The following ACY1 variants were observed in gnomAD, a reference collection of about 807,000 sequenced individuals.
ACY1 encodes the protein aminoacylase-1.
In ACY1, 38 loss-of-function variants were observed where a neutral mutation model predicts 53.3. That is an observed-to-expected ratio of 0.71 (90% CI 0.55 to 0.93). The LOEUF is 0.93. ACY1 is among the 40% of genes least tolerant of loss of function. The pLI is 0.00. For synonymous variants in ACY1, 177 were observed against 202.1 expected (o/e 0.88, Z 1.05); for missense variants, 484 against 540.9 (o/e 0.89, Z 1.04).
At chr3:51,985,499 G>A in intron 4 of ACY1, 34 bp downstream of exon 4, 1 of 1,603,464 alleles carries the variant, frequency 6.2e-7, no homozygotes, top group Non-Finnish European at 8.5e-7. Context: ...GGCAGTGCAG[G>A]CCTTGGGGAC....
At chr3:51,987,662 C>A in intron 12 of ACY1, 38 bp downstream of exon 12, 2 of 1,602,430 alleles carry the variant, frequency 1.2e-6, no homozygotes, top group Non-Finnish European at 1.7e-6. Context: ...AGTGTGGGAG[C>A]CGGGGGAGAC....
rs1318437500 is a variant in ACY1 at position 51,985,888 on chromosome 3, G to A, written c.301G>A (p.Asp101Asn). The stretch of plus-strand genomic sequence containing the variant: ...TCACGACCCCTTTGAGGCCTTCAAG[G>A]ATTCTGAGGGCTACATCTATGCCAG... ...WSHDPFEAFK[D>N]SEGYIYARGA... Residue 101 changes from aspartate (D) to asparagine (N), a missense_variant, in exon 5 of 15, where the codon GAT (aspartate) becomes AAT (asparagine). Coordinates refer to ENST00000636358, the MANE Select transcript of ACY1 (RefSeq NM_000666.3). 6.2e-7 allele frequency: 1 copy of A among 1,613,642 alleles called. No homozygotes were observed. The highest frequency in any genetic ancestry group is 1.3e-5 in the African/African-American group (1 of 74,912).
In ACY1 at chr3:51,986,596, C is replaced by T; in HGVS notation, c.527-9C>T. 3 of 1,614,186 alleles carry T rather than the reference C, an allele frequency of 1.9e-6. No homozygotes were observed. The highest frequency in any genetic ancestry group is 2.7e-5 in the African/African-American group (2 of 75,048). On this transcript the variant is annotated splice_polypyrimidine_tract_variant and intron_variant, in intron 7 of 14. Coordinates refer to ENST00000636358, the MANE Select transcript of ACY1 (RefSeq NM_000666.3). ...TGCTCCACCCTCTGAACCCCCTTTCCCTCCTCAGGCATAGCCAATCCCACT... is the reference window on the plus strand; with the variant it reads ...TGCTCCACCCTCTGAACCCCCTTTCTCTCCTCAGGCATAGCCAATCCCACT...
At chr3:51,988,353 C>T in intron 12 of ACY1, 171 bp from the exon 13 acceptor site, 2 of 696,846 alleles carry the variant, frequency 2.9e-6, no homozygotes, top group South Asian at 1.6e-5. Context: ...AGACCTAGGA[C>T]ATTTGAGGGG....
At chr3:51,983,697 CTT>C (rs11442467) in intron 1 of ACY1, 108 bp downstream of exon 1, 1,905 of 232,516 alleles carry the variant, frequency 8.2e-3, no homozygotes, top group South Asian at 0.017. Flanking sequence ...TTGTTTTTGC[CTT>C]TTTTTTTTTT....
chr3:51,986,000 TGAA>T, intron 5 of ACY1, 54 bp downstream of exon 5: 1 of 1,521,022 alleles, frequency 6.6e-7, no homozygotes, highest in Non-Finnish European at 9.0e-7. Flanking sequence ...TCCAGTGGAT[TGAA>T]GCAGGACCTG....
intron 5 of ACY1, 47 bp from the exon 6 acceptor site, chr3:51,986,208 C>A (rs755232868): frequency 6.3e-7 from 1 of 1,596,036 alleles, no homozygotes; most frequent in East Asian, 2.2e-5. Context: ...GTGGGGCCAG[C>A]CTGCGCATCT....
At chr3:51,988,194 G>C in intron 12 of ACY1, 1 of 449,316 alleles carries the variant, frequency 2.2e-6, no homozygotes, top group Non-Finnish European at 4.1e-6. Context: ...TGTGGTACAG[G>C]AAAGGGTGGC....
chr3:51,988,192 A>G (rs1054423883), intron 12 of ACY1: 8 of 444,072 alleles, frequency 1.8e-5, no homozygotes, highest in African/African-American at 1.2e-4. Flanking sequence ...CATGTGGTAC[A>G]GGAAAGGGTG....
In ACY1 at chr3:51,986,250, C is replaced by G; in HGVS notation, c.360-5C>G. On this transcript the variant is annotated splice_region_variant and splice_polypyrimidine_tract_variant and intron_variant, in intron 5 of 14. Transcript: ENST00000636358. ...TCCCCCAGCACCTGGCTTATGCCCC[C>G]TCAGGTACCTGGAAGCTGTGAGGAG... 1.2e-6 allele frequency: 2 copies of G among 1,613,838 alleles called. No individual in the cohort carries two copies. Among genetic ancestry groups the G allele is most frequent in the East Asian group, 2.2e-5 (1 of 44,884 alleles).
chr3:51,984,209 C>G, intron 2 of ACY1, 51 bp downstream of exon 2: 1 of 1,565,244 alleles, frequency 6.4e-7, no homozygotes, highest in Non-Finnish European at 8.8e-7. Flanking sequence ...GGGACGGGGA[C>G]TGTGCTCTAA....
At chr3:51,987,484 A>C (rs970078472) in intron 11 of ACY1, 31 bp downstream of exon 11, 1 of 1,614,124 alleles carries the variant, frequency 6.2e-7, no homozygotes, top group African/African-American at 1.3e-5. Context: ...TGGAGGAGGG[A>C]TCCTGGGTCC....
chr3:51,985,549 C>T (rs1701027176), intron 4 of ACY1, 84 bp downstream of exon 4: 4 of 1,369,058 alleles, frequency 2.9e-6, no homozygotes, highest in African/African-American at 2.8e-5. Flanking sequence ...TCAAGTTGCT[C>T]ATGGTCCTGG....
Position 51,985,281 on chromosome 3 carries a change from G to T in ACY1, c.159+10G>T, listed in dbSNP as rs113272065. 2 of 1,611,942 alleles carry T rather than the reference G, an allele frequency of 1.2e-6. No homozygotes were observed. The highest frequency in any genetic ancestry group is 2.7e-5 in the African/African-American group (2 of 74,900). The stretch of plus-strand genomic sequence containing the variant: ...CTGTCAGAAAGTAGAGGTGAGCCTG[G>T]GGCCCTAAGCGGGGAAGGGAGGTGG... On this transcript the variant is annotated intron_variant, in intron 3 of 14. Coordinates refer to ENST00000636358, the MANE Select transcript of ACY1 (RefSeq NM_000666.3).
intron 4 of ACY1, 147 bp from the exon 5 acceptor site, chr3:51,985,705 C>A: frequency 1.2e-6 from 1 of 804,404 alleles, no homozygotes; most frequent in South Asian, 1.5e-5. Context: ...CAATCAGCTG[C>A]CTTCTTCAGC....
chr3:51,983,679 TTTTG>T (rs1700961127), intron 1 of ACY1, 90 bp downstream of exon 1: 3 of 280,222 alleles, frequency 1.1e-5, no homozygotes, highest in South Asian at 8.0e-5. Flanking sequence ...CTTGTTTGTT[TTTTG>T]TTTTTGTTTT....
chr3:51,986,532 G>A, intron 7 of ACY1, 28 bp downstream of exon 7: 1 of 1,614,152 alleles, frequency 6.2e-7, no homozygotes, highest in Non-Finnish European at 8.5e-7. Context: ...CCAATGAGCA[G>A]CCAGGCAGGG....
intron 2 of ACY1, chr3:51,984,598 T>G (rs1700992554): frequency 1.6e-5 from 5 of 309,498 alleles, no homozygotes; most frequent in South Asian, 1.5e-4. Context: ...GCAGATTGCT[T>G]GGGCCCAGGA....
At chr3:51,985,826 G>A (rs1701034877) in intron 4 of ACY1, 26 bp from the exon 5 acceptor site, 1 of 1,601,896 alleles carries the variant, frequency 6.2e-7, no homozygotes, top group Non-Finnish European at 8.5e-7. Context: ...TGGGGTTTGG[G>A]CCCCTCTTCC....
Sources: gnomAD v4.1 joint callset for allele counts on GRCh38, gnomAD v4.1.1 for gene constraint, MANE v1.5 for transcripts, NCBI Gene and HGNC (gene_info 2026-07-23, HGNC 2026-07-21) for gene names.